The following ARHGAP26 variants were observed in gnomAD, a reference collection of about 807,000 sequenced individuals.
The protein encoded by ARHGAP26 is rho GTPase-activating protein 26.
Under a neutral mutation model 104.8 loss-of-function variants are expected in ARHGAP26, and 38 were observed. The observed-to-expected ratio is 0.36, with a 90% CI of 0.28 to 0.48. ARHGAP26 has a LOEUF of 0.48. ARHGAP26 is among the 20% of genes least tolerant of loss of function. The probability of loss-of-function intolerance (pLI) is 0.99; values close to 1 mark genes in which losing one functional copy is unlikely to be tolerated. For missense variants in ARHGAP26, 704 were observed against 947.9 expected (o/e 0.74, Z 3.38); for synonymous variants, 341 against 340.0 (o/e 1.00, Z -0.03).
intron 10 of ARHGAP26, chr5:142,915,483 C>T (rs1310717229): frequency 1.3e-5 from 2 of 152,244 alleles, no homozygotes; most frequent in South Asian, 2.1e-4. Context: ...CTCAGCCTAC[C>T]GAGTAGCTGG....
At chr5:143,214,916 C>G (rs567027789) in intron 22 of ARHGAP26, among the ~76,000 whole-genome samples, 1 of 152,316 alleles carries the variant, frequency 6.6e-6, no homozygotes, top group East Asian at 1.9e-4. Flanking sequence ...GCCTTTGCTC[C>G]ATTAACTTTC....
intron 20 of ARHGAP26, among the ~76,000 whole-genome samples, chr5:143,176,255 G>A (rs1803459619): frequency 6.6e-6 from 1 of 152,230 alleles, no homozygotes. Flanking sequence ...TGATGCCTGT[G>A]TAGTGAGCCA....
intron 1 of ARHGAP26, among the ~76,000 whole-genome samples, chr5:142,776,982 G>A (rs537766559): frequency 2.0e-5 from 3 of 152,302 alleles, no homozygotes; most frequent in South Asian, 2.1e-4. Flanking sequence ...GTGGTATCTC[G>A]TTGTGGTTTT....
chr5:142,901,880 T>TA, intron 6 of ARHGAP26, 55 bp from the exon 7 acceptor site: 1 of 1,451,724 alleles, frequency 6.9e-7, no homozygotes, highest in Non-Finnish European at 9.7e-7. Context: ...TACAGCTACA[T>TA]AATACCTCTT....
chr5:142,869,007 A>G (rs1310770007), intron 1 of ARHGAP26: 1 of 154,236 alleles, frequency 6.5e-6, no homozygotes, highest in Non-Finnish European at 1.4e-5. Flanking sequence ...GACTAGTTCC[A>G]GAATTATTCC....
chr5:143,160,755 A>G (rs1801131405), intron 20 of ARHGAP26, among the ~76,000 whole-genome samples: 1 of 152,208 alleles, frequency 6.6e-6, no homozygotes, highest in Non-Finnish European at 1.5e-5. Context: ...CTGGGATTAC[A>G]GGTGTGAGTC....
intron 17 of ARHGAP26, among the ~76,000 whole-genome samples, chr5:143,092,160 T>C (rs560706737): frequency 8.0e-6 from 1 of 124,592 alleles, no homozygotes; most frequent in African/African-American, 2.7e-5. Flanking sequence ...ATCCCTTTGT[T>C]TTTTTTTTTG....
chr5:142,887,469 T>A (rs924444748), intron 5 of ARHGAP26, among the ~76,000 whole-genome samples: 1 of 152,326 alleles, frequency 6.6e-6, no homozygotes, highest in Middle Eastern at 3.4e-3. Flanking sequence ...TGTGTAAATA[T>A]CCTTATGATT....
At chr5:143,126,279 G>T (rs246595) in intron 18 of ARHGAP26, among the ~76,000 whole-genome samples, 2 of 152,018 alleles carry the variant, frequency 1.3e-5, no homozygotes, top group African/African-American at 4.8e-5. Context: ...TATTAAAATG[G>T]CATGGTTGTG....
In ARHGAP26 at chr5:143,146,745, T is replaced by C. The variant is rs138926742; in HGVS notation, c.1838-486T>C. ...AGTCGTAAGGACATTGGTGGCTAAATAGTAGATCTTCTCTGGTGAGGCTCT... is the reference window on the plus strand; with the variant it reads ...AGTCGTAAGGACATTGGTGGCTAAACAGTAGATCTTCTCTGGTGAGGCTCT... On this transcript the variant is annotated intron_variant, in intron 19 of 22. Transcript: ENST00000645722. Among the ~76,000 whole-genome samples, 562 of 152,328 alleles carry C rather than the reference T, an allele frequency of 3.7e-3. 3 individuals are homozygous for C. The highest frequency in any genetic ancestry group is 0.013 in the African/African-American group (548 of 41,570).
At chr5:142,784,127 C>T (rs1032519458) in intron 1 of ARHGAP26, among the ~76,000 whole-genome samples, 4 of 152,226 alleles carry the variant, frequency 2.6e-5, no homozygotes. Flanking sequence ...GCAAGGTCAG[C>T]AGACTACCAT....
chr5:143,077,195 A>C (rs1348344519), intron 17 of ARHGAP26, among the ~76,000 whole-genome samples: 1 of 152,218 alleles, frequency 6.6e-6, no homozygotes, highest in Admixed American at 6.5e-5. Context: ...TGTGGGCGCC[A>C]GTATTTCCCA....
intron 20 of ARHGAP26, among the ~76,000 whole-genome samples, chr5:143,162,024 A>G (rs372022438): frequency 5.9e-5 from 9 of 152,174 alleles, no homozygotes; most frequent in East Asian, 5.8e-4. Context: ...ACAGACAAAG[A>G]TGAGTAAAGC....
intron 17 of ARHGAP26, among the ~76,000 whole-genome samples, chr5:143,098,078 C>T (rs762741778): frequency 2.6e-5 from 4 of 151,976 alleles, no homozygotes; most frequent in East Asian, 1.9e-4. Flanking sequence ...TTTATAATAG[C>T]GCTGCCTCAA....
At position 143,180,206 on chromosome 5, in the gene ARHGAP26, A is replaced by G. The variant is rs542532677; in HGVS notation, c.1989-26992A>G. Among the ~76,000 whole-genome samples the G allele has an allele frequency of 4.6e-5, 7 of 151,888 alleles. No homozygotes were observed. The South Asian group carries it at 1.5e-3, about 32-fold the overall frequency. The stretch of plus-strand genomic sequence containing the variant: ...AGTGGTGCGATCTTGGCTCACTGCA[A>G]CCTCCGCCTCCTGGGTTCAAGCGAT... On this transcript the variant is annotated intron_variant, in intron 20 of 22. Transcript: ENST00000645722.
chr5:142,783,350 G>A (rs1019120561), intron 1 of ARHGAP26, among the ~76,000 whole-genome samples: 1 of 152,210 alleles, frequency 6.6e-6, no homozygotes, highest in Admixed American at 6.5e-5. Flanking sequence ...CAGCGGATGT[G>A]GGGGAGCTCC....
chr5:143,013,467 G>A (rs1219409584), intron 11 of ARHGAP26, among the ~76,000 whole-genome samples: 1 of 151,926 alleles, frequency 6.6e-6, no homozygotes, highest in African/African-American at 2.4e-5. Context: ...ATTATTTAAG[G>A]GGTTTCTATG....
chr5:142,903,536 C>T lies in ARHGAP26; in HGVS notation c.703-4C>T. The T allele has an allele frequency of 6.2e-7, 1 of 1,611,682 alleles. No homozygotes were observed. Among genetic ancestry groups the T allele is most frequent in the Non-Finnish European group, 8.5e-7 (1 of 1,179,100 alleles). ...TGATTTGAATAAAATTATTTTCATC[C>T]TAGACAAGAAATCGCTTTGAAGGCA... On this transcript the variant is annotated splice_region_variant and splice_polypyrimidine_tract_variant and intron_variant, in intron 7 of 22. Coordinates refer to ENST00000645722, the MANE Select transcript of ARHGAP26 (RefSeq NM_001135608.3).
chr5:143,025,873 A>G (rs1780980157), intron 12 of ARHGAP26, among the ~76,000 whole-genome samples: 1 of 152,198 alleles, frequency 6.6e-6, no homozygotes, highest in Admixed American at 6.5e-5. Flanking sequence ...ATTCCCATCC[A>G]GGCAGATTTT....
Sources: allele counts gnomAD v4.1 joint callset (sites outside exome capture counted in the v4.1 genomes callset), GRCh38; gene constraint gnomAD v4.1.1; transcripts MANE v1.5; gene names NCBI Gene and HGNC (gene_info 2026-07-23, HGNC 2026-07-21).